IL4R: variants seen among roughly 807,000 people sequenced by gnomAD.
The protein encoded by IL4R is interleukin-4 receptor subunit alpha.
A neutral mutation model predicts 41.5 loss-of-function variants in IL4R; 17 were observed. That is an observed-to-expected ratio of 0.41 (90% CI 0.28 to 0.61). IL4R has a LOEUF of 0.61. Among genes scored for constraint, IL4R ranks in the 20% least tolerant of loss-of-function variants. IL4R has a pLI of 0.31. For synonymous variants in IL4R, 402 were observed against 422.9 expected (o/e 0.95, Z 0.61); for missense variants, 974 against 1,043.1 (o/e 0.93, Z 0.91).
At position 27,314,040 on chromosome 16, in the gene IL4R, C is replaced by G; in HGVS notation, c.-152+20C>G. The G allele has an allele frequency of 1.0e-6, 1 of 985,022 alleles. No individual in the cohort carries two copies. 61.0% of individuals were successfully genotyped at this position (985,022 alleles called of 1,614,324 possible). ...GCGCAGGTAGGATCCGGGGCCCGCG[C>G]GCGGATCGGGTTGCGAAGGTATCGC... On this transcript the variant is annotated intron_variant, in intron 1 of 10. Coordinates refer to ENST00000395762, the MANE Select transcript of IL4R (RefSeq NM_000418.4).
In IL4R at chr16:27,345,107, G is replaced by C. The variant is rs1411343474; in HGVS notation, c.361+87G>C. 2.5e-6 allele frequency: 3 copies of C among 1,210,106 alleles called. No individual in the cohort carries two copies. Among genetic ancestry groups the C allele is most frequent in the Admixed American group, 3.7e-5 (2 of 54,534 alleles). 75.0% of individuals were successfully genotyped at this position (1,210,106 alleles called of 1,614,324 possible). On this transcript the variant is annotated intron_variant, in intron 5 of 10. Transcript: ENST00000395762. This position sits in a 1 kb window ranked among gnomAD's most constrained non-coding sequence, Gnocchi z 4.5. ...GGTGGGGTGGGCAGGGGAGGAGGTG[G>C]GGTCATAGCAACAGCAGGAGGAAGC...
At chr16:27,319,575 G>A (rs747617481) in intron 1 of IL4R, among the ~76,000 whole-genome samples, 3 of 152,162 alleles carry the variant, frequency 2.0e-5, no homozygotes, top group Non-Finnish European at 2.9e-5. Flanking sequence ...GGGCAGCGCA[G>A]GACTGGTTCC....
At chr16:27,327,332 G>T (rs1457966567) in intron 1 of IL4R, among the ~76,000 whole-genome samples, 1 of 152,144 alleles carries the variant, frequency 6.6e-6, no homozygotes, top group Admixed American at 6.6e-5. Context: ...CCTGCCACCC[G>T]CTGTGGGTTC....
chr16:27,341,728 G>C (rs1287374100), intron 3 of IL4R, among the ~76,000 whole-genome samples: 1 of 152,184 alleles, frequency 6.6e-6, no homozygotes, highest in African/African-American at 2.4e-5. Context: ...AGACAAAGAG[G>C]GGCGCAGATA....
At chr16:27,359,083 G>A in intron 9 of IL4R, 89 bp downstream of exon 9, 7 of 977,826 alleles carry the variant, frequency 7.2e-6, no homozygotes, top group South Asian at 6.8e-5. Flanking sequence ...ACCTTCACTG[G>A]CTTCTGGAAT....
intron 9 of IL4R, 77 bp downstream of exon 9, chr16:27,359,071 G>C: frequency 9.0e-7 from 1 of 1,109,208 alleles, no homozygotes; most frequent in Admixed American, 1.9e-5. Context: ...GGGCTGTTAA[G>C]GACCTTCACT....
chr16:27,316,007 C>T (rs1371837287), intron 1 of IL4R, among the ~76,000 whole-genome samples: 1 of 152,086 alleles, frequency 6.6e-6, no homozygotes, highest in Non-Finnish European at 1.5e-5. Flanking sequence ...TGCAAAATGC[C>T]CAGGGCAAGG....
At chr16:27,352,806 T>C in intron 7 of IL4R, 110 bp downstream of exon 7, 9 of 1,125,338 alleles carry the variant, frequency 8.0e-6, no homozygotes, top group Non-Finnish European at 1.0e-5. Context: ...AGGATGCCTC[T>C]AATGGCAATC....
In IL4R at chr16:27,362,574, G is replaced by A; in HGVS notation, c.1222G>A (p.Glu408Lys). Residue 408 changes from glutamate to lysine, a missense_variant, in exon 11 of 11, where the codon GAG (glutamate) becomes AAG (lysine). Physicochemically the swap from Glu to Lys is moderately conservative, Grantham distance 56. Transcript: ENST00000395762. ...GGAGGGCATTGTGGCCCGGCTAACAGAGAGCCTGTTCCTGGACCTGCTCGG... is the reference window on the plus strand; with the variant it reads ...GGAGGGCATTGTGGCCCGGCTAACAAAGAGCCTGTTCCTGGACCTGCTCGG... Reference protein sequence around the residue: ...GREGIVARLTESLFLDLLGEE... With the variant: ...GREGIVARLTKSLFLDLLGEE... 6.2e-7 allele frequency: 1 copy of A among 1,614,224 alleles called. No homozygotes were observed. Among genetic ancestry groups the A allele is most frequent in the East Asian group, 2.2e-5 (1 of 44,884 alleles).
At position 27,345,383 on chromosome 16, in the gene IL4R, C is replaced by T; in HGVS notation, c.361+363C>T. ...TGTGTCCACTGGTCAGCTGCTGCGGCTTTGGATGGTCTTGACCGTGGAAGG... is the reference window on the plus strand; with the variant it reads ...TGTGTCCACTGGTCAGCTGCTGCGGTTTTGGATGGTCTTGACCGTGGAAGG... On this transcript the variant is annotated intron_variant, in intron 5 of 10. Transcript: ENST00000395762. This position sits in a 1 kb window ranked among gnomAD's most constrained non-coding sequence, Gnocchi z 4.5. The T allele has an allele frequency of 2.6e-6, 1 of 385,506 alleles. No homozygotes were observed. Among genetic ancestry groups the T allele is most frequent in the South Asian group, 2.0e-5 (1 of 50,702 alleles). 23.9% of individuals were successfully genotyped at this position (385,506 alleles called of 1,614,324 possible). A position where few individuals can be genotyped will look rare whatever the true frequency, so the allele number is the denominator to read the frequency against.
chr16:27,331,010 A>G (rs2141094277), intron 2 of IL4R, among the ~76,000 whole-genome samples: 1 of 152,134 alleles, frequency 6.6e-6, no homozygotes, highest in East Asian at 1.9e-4. Flanking sequence ...GAGAAGAGGC[A>G]GGGTGAGCCT....
In IL4R at chr16:27,363,192, G is replaced by A. The variant is rs111360541; in HGVS notation, c.1840G>A (p.Ala614Thr). The change falls in exon 11 of 11, where the codon GCT (alanine) becomes ACT (threonine). Residue 614 changes from alanine (A) to threonine (T), a missense_variant. Physicochemically the swap from Ala to Thr is moderately conservative, Grantham distance 58 (BLOSUM62 0). Coordinates refer to ENST00000395762, the MANE Select transcript of IL4R (RefSeq NM_000418.4). ...KAFSSLLASS[A>T]VSPEKCGFGA... Reference sequence around the variant, plus strand: ...CTTCTCAAGCCTGCTTGCCAGCAGTGCTGTGTCCCCAGAGAAATGTGGGTT... The same window carrying A: ...CTTCTCAAGCCTGCTTGCCAGCAGTACTGTGTCCCCAGAGAAATGTGGGTT... 140 of 1,610,604 alleles carry A rather than the reference G, an allele frequency of 8.7e-5. 1 individual carries two copies. Among genetic ancestry groups the A allele is most frequent in the Non-Finnish European group, 1.2e-4 (138 of 1,178,118 alleles).
intron 4 of IL4R, among the ~76,000 whole-genome samples, chr16:27,342,473 G>A (rs1052648276): frequency 3.9e-5 from 6 of 152,050 alleles, no homozygotes; most frequent in Non-Finnish European, 7.4e-5. Flanking sequence ...CGTGGCACAT[G>A]GATACGGCTG....
rs548035749 is a variant in IL4R, at chr16:27,349,161, AGGTGATG to A, written c.513+2546_513+2552del. Among the ~76,000 whole-genome samples, 806 of 152,312 alleles carry A rather than the reference AGGTGATG, an allele frequency of 5.3e-3. 5 individuals are homozygous for A. The highest frequency in any genetic ancestry group is 7.8e-3 in the Non-Finnish European group (528 of 68,024). On this transcript the variant is annotated intron_variant, in intron 6 of 10. Coordinates refer to ENST00000395762, the MANE Select transcript of IL4R (RefSeq NM_000418.4). ...GCTCCCCTCTGATGAATGATAGGCC[AGGTGATG>A]GGATTGGCACAATTGGCTTAGACTA...
chr16:27,344,364 C>CAAAAAAA (rs34638911), intron 4 of IL4R, among the ~76,000 whole-genome samples: 2 of 112,922 alleles, frequency 1.8e-5, no homozygotes, highest in Non-Finnish European at 3.9e-5. Flanking sequence ...TACAAATAAC[C>CAAAAAAA]AAAAAAAAAA....
intron 7 of IL4R, chr16:27,355,604 C>G: frequency 1.9e-6 from 1 of 523,644 alleles, no homozygotes; most frequent in East Asian, 3.4e-5. Context: ...TTTGGAGGAG[C>G]AGGGGGCAAT....
chr16:27,342,652 A>G (rs1394533427), intron 4 of IL4R, among the ~76,000 whole-genome samples: 1 of 152,216 alleles, frequency 6.6e-6, no homozygotes, highest in African/African-American at 2.4e-5. Context: ...AAAAATTAAA[A>G]CAATTAAAAA....
At chr16:27,314,288 G>A (rs1264331590) in intron 1 of IL4R, 3 of 238,574 alleles carry the variant, frequency 1.3e-5, no homozygotes, top group Non-Finnish European at 2.0e-5. Context: ...CCTCCGCCGG[G>A]ACGGCCTGCG....
intron 1 of IL4R, among the ~76,000 whole-genome samples, chr16:27,320,227 C>T (rs1208980152): frequency 3.3e-5 from 5 of 152,150 alleles, no homozygotes; most frequent in African/African-American, 1.2e-4. Context: ...CTCCCATCGC[C>T]CTTGGATGGG....
Sources: allele counts gnomAD v4.1 joint callset (sites outside exome capture counted in the v4.1 genomes callset), GRCh38; gene constraint gnomAD v4.1.1; non-coding constraint Gnocchi (gnomAD v3.1); transcripts MANE v1.5; gene names NCBI Gene and HGNC (gene_info 2026-07-23, HGNC 2026-07-21).